Variants in NCOA3 observed in about 807,000 individuals in gnomAD.
NCOA3 encodes the protein CBP-interacting protein.
Under a neutral mutation model 158.8 loss-of-function variants are expected in NCOA3, and 51 were observed. The observed-to-expected ratio is 0.32, with a 90% CI of 0.26 to 0.41. NCOA3 has a LOEUF of 0.41. Ranked by LOEUF, NCOA3 falls within the 10% of genes least tolerant of loss-of-function variation. The pLI is 1.00. For synonymous variants in NCOA3, 537 were observed against 592.4 expected (o/e 0.91, Z 1.36); for missense variants, 1,510 against 1,746.6 (o/e 0.86, Z 2.41).
intron 1 of NCOA3, among the ~76,000 whole-genome samples, chr20:47,502,407 C>G (rs928315028): frequency 6.6e-6 from 1 of 152,186 alleles, no homozygotes; most frequent in Admixed American, 6.5e-5. Context: ...CCGCGTCGTC[C>G]TCCTGCTGCC....
At chr20:47,619,007 C>T (rs532804026) in intron 2 of NCOA3, among the ~76,000 whole-genome samples, 1 of 152,058 alleles carries the variant, frequency 6.6e-6, no homozygotes, top group Non-Finnish European at 1.5e-5. Flanking sequence ...AAGTTTAATG[C>T]AGTAGGATTG....
At position 47,551,656 on chromosome 20, in the gene NCOA3, G is replaced by A. The variant is rs547108829; in HGVS notation, c.-98-31527G>A. Among the ~76,000 whole-genome samples, 14 of 152,244 alleles carry A rather than the reference G, an allele frequency of 9.2e-5. No homozygotes were observed. In the East Asian group the frequency reaches 2.7e-3, roughly 29 times the overall value. On this transcript the variant is annotated intron_variant, in intron 1 of 22. Coordinates refer to ENST00000371998, the MANE Select transcript of NCOA3 (RefSeq NM_181659.3). ...TGTTTCTTTTTGACAGTGATTAAAA[G>A]ATGATTAAAATAGTGGTGATTCTGT...
chr20:47,631,854 G>C (rs1245102552), intron 8 of NCOA3, among the ~76,000 whole-genome samples: 1 of 152,198 alleles, frequency 6.6e-6, no homozygotes, highest in Non-Finnish European at 1.5e-5. Flanking sequence ...AGGAGTTTGT[G>C]TGATATATAT....
chr20:47,648,491 A>G (rs938561976), intron 18 of NCOA3, among the ~76,000 whole-genome samples: 5 of 151,912 alleles, frequency 3.3e-5, no homozygotes, highest in African/African-American at 9.7e-5. Context: ...TTTATTTATT[A>G]TTATTTTTTC....
chr20:47,556,627 A>C (rs560596920), intron 1 of NCOA3, among the ~76,000 whole-genome samples: 1 of 152,122 alleles, frequency 6.6e-6, no homozygotes, highest in Admixed American at 6.5e-5. Flanking sequence ...GGTGCAAGTG[A>C]TTCTCCTGTC....
chr20:47,561,559 TC>T (rs910555551), intron 1 of NCOA3, among the ~76,000 whole-genome samples: 1 of 151,984 alleles, frequency 6.6e-6, no homozygotes, highest in African/African-American at 2.4e-5. Flanking sequence ...CCTCAAGTGA[TC>T]CTCTTGCCTC....
At chr20:47,605,590 C>G (rs1041611223) in intron 2 of NCOA3, among the ~76,000 whole-genome samples, 1 of 151,476 alleles carries the variant, frequency 6.6e-6, no homozygotes, top group Non-Finnish European at 1.5e-5. Flanking sequence ...GAGATTTTTT[C>G]GTTTTACCTG....
Position 47,636,501 on chromosome 20 carries a change from C to T in NCOA3, c.2115C>T (p.Ala705=). ...AGGTAGCCAAGATTACTGCAGAAGC[C>T]ACTGGGAAAGACACCAGCAGTATAA... The part of the protein sequence containing the change: ...PAEVAKITAE[A]TGKDTSSITS... The change falls in exon 12 of 23, where the codon GCC becomes GCT. Residue 705 remains alanine (A), a synonymous_variant. Coordinates refer to ENST00000371998, the MANE Select transcript of NCOA3 (RefSeq NM_181659.3). The T allele has an allele frequency of 1.2e-6, 2 of 1,614,134 alleles. No homozygotes were observed. The highest frequency in any genetic ancestry group is 2.2e-5 in the East Asian group (1 of 44,870).
intron 1 of NCOA3, among the ~76,000 whole-genome samples, chr20:47,513,603 A>G (rs2084182422): frequency 6.6e-6 from 1 of 151,810 alleles, no homozygotes; most frequent in African/African-American, 2.4e-5. Flanking sequence ...ACACACACCT[A>G]TAATCCCAGC....
chr20:47,620,797 G>A (rs1568731663), intron 2 of NCOA3, among the ~76,000 whole-genome samples: 1 of 152,058 alleles, frequency 6.6e-6, no homozygotes, highest in Non-Finnish European at 1.5e-5. Flanking sequence ...TTTGTCAGTT[G>A]ATCCAATAAT....
intron 2 of NCOA3, among the ~76,000 whole-genome samples, chr20:47,595,438 G>A (rs192860784): frequency 6.6e-6 from 1 of 152,296 alleles, no homozygotes; most frequent in Admixed American, 6.5e-5. Context: ...ATAGGGATAG[G>A]TCAAGAATCT....
At chr20:47,553,059 G>A (rs1420213548) in intron 1 of NCOA3, among the ~76,000 whole-genome samples, 3 of 151,674 alleles carry the variant, frequency 2.0e-5, no homozygotes, top group African/African-American at 4.8e-5. Context: ...TCAGCCTCCC[G>A]GGTAGCTGGG....
rs75853586 is a variant in NCOA3, at chr20:47,603,432, G to A, written c.-19-18797G>A. Among the ~76,000 whole-genome samples the A allele has an allele frequency of 2.9e-3, 443 of 152,348 alleles. 15 individuals are homozygous for A. In the East Asian group the frequency reaches 0.078, roughly 27 times the overall value. ...GGCTCTGTTCTCATGGGAGTGTCCA[G>A]GGGTGGGAGTCTGCAACTCCCCAAG... On this transcript the variant is annotated intron_variant, in intron 2 of 22. Coordinates refer to ENST00000371998, the MANE Select transcript of NCOA3 (RefSeq NM_181659.3).
At chr20:47,534,174 A>G (rs960478186) in intron 1 of NCOA3, among the ~76,000 whole-genome samples, 1 of 151,960 alleles carries the variant, frequency 6.6e-6, no homozygotes, top group South Asian at 2.1e-4. Context: ...TGGCTTGAAC[A>G]ACTAGAATTG....
intron 3 of NCOA3, among the ~76,000 whole-genome samples, chr20:47,622,584 G>A (rs940121063): frequency 6.6e-6 from 1 of 152,138 alleles, no homozygotes; most frequent in Non-Finnish European, 1.5e-5. Flanking sequence ...AGGAGGGGTA[G>A]GAGTTACGAA....
chr20:47,641,998 G>A (rs1280553469), intron 16 of NCOA3, among the ~76,000 whole-genome samples: 3 of 152,104 alleles, frequency 2.0e-5, no homozygotes, highest in African/African-American at 7.2e-5. Context: ...GGTTTAAGCT[G>A]TATATGGTGG....
chr20:47,652,721 A>C (rs1602551711), intron 21 of NCOA3, 141 bp downstream of exon 21: 1 of 977,532 alleles, frequency 1.0e-6, no homozygotes, highest in Non-Finnish European at 1.5e-6. Flanking sequence ...TGGCTTGTCC[A>C]TTTTGAGAGT....
rs2085132634 is a variant in NCOA3 at position 47,563,007 on chromosome 20, A to G, written c.-98-20176A>G. On this transcript the variant is annotated intron_variant, in intron 1 of 22. Transcript: ENST00000371998. ...GCAGTCCTCTCCACTGGGCCTCCCA[A>G]AGTGCTAGGATTACAGGCGTGAGCC... Among the ~76,000 whole-genome samples, 2 of 152,208 alleles carry G rather than the reference A, an allele frequency of 1.3e-5. 1 individual carries two copies. The highest frequency in any genetic ancestry group is 4.1e-4 in the South Asian group (2 of 4,834).
At chr20:47,520,958 C>T (rs138839145) in intron 1 of NCOA3, among the ~76,000 whole-genome samples, 3 of 152,360 alleles carry the variant, frequency 2.0e-5, no homozygotes, top group Non-Finnish European at 2.9e-5. Context: ...ATCATCTACA[C>T]GAACAACACC....
Sources: gnomAD v4.1 joint callset for allele counts (sites outside exome capture counted in the v4.1 genomes callset) on GRCh38, gnomAD v4.1.1 for gene constraint, MANE v1.5 for transcripts, NCBI Gene and HGNC (gene_info 2026-07-23, HGNC 2026-07-21) for gene names.